The following MINDY2 variants were observed in gnomAD, a reference collection of about 807,000 sequenced individuals.
The protein encoded by MINDY2 is ubiquitin carboxyl-terminal hydrolase MINDY-2.
A neutral mutation model predicts 68.2 loss-of-function variants in MINDY2; 52 were observed. That is an observed-to-expected ratio of 0.76 (90% CI 0.61 to 0.96). The LOEUF is 0.96. MINDY2 is among the 40% of genes least tolerant of loss of function. MINDY2 has a pLI of 0.00. For missense variants in MINDY2, 881 were observed against 773.4 expected, an observed-to-expected ratio of 1.14 and a Z score of -1.65; for synonymous variants, 372 against 303.0, an observed-to-expected ratio of 1.23 and a Z score of -2.36.
chr15:58,807,467 T>C (rs1903105061), intron 3 of MINDY2, among the ~76,000 whole-genome samples: 1 of 151,114 alleles, frequency 6.6e-6, no homozygotes, highest in Non-Finnish European at 1.5e-5. Flanking sequence ...GCCATTCTGC[T>C]GCCTCAGCCT....
chr15:58,787,164 T>TTTA (rs1555428182), intron 1 of MINDY2, among the ~76,000 whole-genome samples: 3 of 145,420 alleles, frequency 2.1e-5, no homozygotes, highest in Non-Finnish European at 3.0e-5. Flanking sequence ...TTTTTTTTTT[T>TTTA]ACTCTGTTGC....
At chr15:58,823,693 A>T (rs1410776453) in intron 5 of MINDY2, among the ~76,000 whole-genome samples, 1 of 146,252 alleles carries the variant, frequency 6.8e-6, no homozygotes, top group Non-Finnish European at 1.5e-5. Context: ...ACAAAACAAA[A>T]AACAGTATAG....
At chr15:58,784,897 A>T (rs557686094) in intron 1 of MINDY2, among the ~76,000 whole-genome samples, 2 of 151,672 alleles carry the variant, frequency 1.3e-5, no homozygotes, top group East Asian at 3.9e-4. Flanking sequence ...AGCCTCCCAA[A>T]GTGCTGGGAC....
intron 2 of MINDY2, among the ~76,000 whole-genome samples, chr15:58,797,846 G>A (rs1902385696): frequency 6.6e-6 from 1 of 152,150 alleles, no homozygotes; most frequent in Admixed American, 6.6e-5. Flanking sequence ...GAGAACCGAT[G>A]AGCAGAGCCA....
intron 4 of MINDY2, among the ~76,000 whole-genome samples, chr15:58,821,514 A>G (rs2031060008): frequency 6.6e-6 from 1 of 152,188 alleles, no homozygotes; most frequent in Admixed American, 6.5e-5. Flanking sequence ...ATACAACTGC[A>G]GTATTTTTCA....
Position 58,861,391 on chromosome 15 carries a change from T to TA in MINDY2, c.*6782dup, listed in dbSNP as rs1253517324. 17 of 152,214 alleles carry TA rather than the reference T, an allele frequency of 1.1e-4. No homozygotes were observed. Among genetic ancestry groups the TA allele is most frequent in the African/African-American group, 3.9e-4 (16 of 41,474 alleles). 9.4% of individuals were successfully genotyped at this position (152,214 alleles called of 1,614,324 possible). On this transcript the variant is annotated 3_prime_UTR_variant, in exon 9 of 9. Transcript: ENST00000559228. ...ATTTTTTCCTCCTCCTTTCATTTTTTATCTTAATACCCATTTTACTTCTGA... is the reference window on the plus strand; with the variant it reads ...ATTTTTTCCTCCTCCTTTCATTTTTTAATCTTAATACCCATTTTACTTCTGA...
intron 6 of MINDY2, among the ~76,000 whole-genome samples, chr15:58,843,832 C>CAAAAAAAAAAAA (rs34999651): frequency 1.2e-5 from 1 of 84,838 alleles, no homozygotes; most frequent in Non-Finnish European, 2.1e-5. Flanking sequence ...GACTCTGTCT[C>CAAAAAAAAAAAA]AAAAAAAAAA....
chr15:58,810,904 A>G (rs1289305811), intron 4 of MINDY2, among the ~76,000 whole-genome samples: 9 of 152,200 alleles, frequency 5.9e-5, no homozygotes, highest in Non-Finnish European at 8.8e-5. Flanking sequence ...AGTGCTGCCA[A>G]TCCTGGAAGT....
chr15:58,785,433 T>A (rs576065508), intron 1 of MINDY2, among the ~76,000 whole-genome samples: 1 of 152,290 alleles, frequency 6.6e-6, no homozygotes, highest in South Asian at 2.1e-4. Flanking sequence ...TACTAATATT[T>A]TAGGCTTTGC....
intron 6 of MINDY2, among the ~76,000 whole-genome samples, chr15:58,838,859 G>T (rs1376446241): frequency 6.6e-6 from 1 of 151,808 alleles, no homozygotes; most frequent in South Asian, 2.1e-4. Flanking sequence ...GAGATTACAG[G>T]TGTGAGCCAC....
At chr15:58,783,834 A>G (rs1016162774) in intron 1 of MINDY2, among the ~76,000 whole-genome samples, 1 of 152,104 alleles carries the variant, frequency 6.6e-6, no homozygotes. Flanking sequence ...GGTCCCAGCT[A>G]TGTGGGAGGT....
chr15:58,801,028 CA>C (rs1245439795), intron 2 of MINDY2, among the ~76,000 whole-genome samples: 14 of 151,968 alleles, frequency 9.2e-5, no homozygotes, highest in African/African-American at 2.9e-4. Flanking sequence ...GGCTGGAGTA[CA>C]GTGGCGTGAT....
intron 1 of MINDY2, among the ~76,000 whole-genome samples, chr15:58,779,604 C>T (rs1901003504): frequency 6.6e-6 from 1 of 152,168 alleles, no homozygotes. Context: ...TTAGCCTCTG[C>T]CCACCTTGTT....
chr15:58,785,958 C>A (rs1338053742), intron 1 of MINDY2, among the ~76,000 whole-genome samples: 2 of 152,080 alleles, frequency 1.3e-5, no homozygotes, highest in Non-Finnish European at 2.9e-5. Flanking sequence ...GTGTGAGCCA[C>A]CAGGCCTGAC....
At chr15:58,854,015 T>A (rs1006544818) in intron 8 of MINDY2, among the ~76,000 whole-genome samples, 2 of 151,676 alleles carry the variant, frequency 1.3e-5, no homozygotes, top group East Asian at 3.9e-4. Context: ...GAGGCCAAGG[T>A]GGGCGGATCA....
At chr15:58,841,295 T>C (rs2032271737) in intron 6 of MINDY2, among the ~76,000 whole-genome samples, 1 of 151,962 alleles carries the variant, frequency 6.6e-6, no homozygotes. Flanking sequence ...CTTCATGATT[T>C]TCTTATAAAT....
At chr15:58,829,018 G>A (rs1419989594) in intron 5 of MINDY2, among the ~76,000 whole-genome samples, 1 of 152,102 alleles carries the variant, frequency 6.6e-6, no homozygotes, top group Non-Finnish European at 1.5e-5. Flanking sequence ...TAATGTGAAT[G>A]TTGTAATAAA....
chr15:58,803,796 G>A (rs1343459989), intron 3 of MINDY2, among the ~76,000 whole-genome samples: 2 of 151,438 alleles, frequency 1.3e-5, no homozygotes, highest in Non-Finnish European at 2.9e-5. Flanking sequence ...GTCCTGGGCA[G>A]CAGAGGGAGA....
In MINDY2 at chr15:58,839,322, T is replaced by G. The variant is rs28721510; in HGVS notation, c.1368+7406T>G. Among the ~76,000 whole-genome samples the G allele has an allele frequency of 7.4e-3, 1,106 of 148,742 alleles. 18 individuals are homozygous for G. Among genetic ancestry groups the G allele is most frequent in the African/African-American group, 0.026 (1,021 of 38,960 alleles). The stretch of plus-strand genomic sequence containing the variant: ...AATTCTCTGTTAAGTTAGACTGTTT[T>G]TTTGTTTGTTTGTTTGTTTGTTTTT... On this transcript the variant is annotated intron_variant, in intron 6 of 8. Transcript: ENST00000559228.
Sources: allele counts gnomAD v4.1 joint callset (sites outside exome capture counted in the v4.1 genomes callset), GRCh38; gene constraint gnomAD v4.1.1; transcripts MANE v1.5; gene names NCBI Gene and HGNC (gene_info 2026-07-23, HGNC 2026-07-21).